Variants in MRPS2 observed in about 807,000 individuals in gnomAD.
MRPS2 encodes the protein mitochondrial ribosomal protein S2, also known as small ribosomal subunit protein uS2m.
MRPS2 carries 13 observed loss-of-function variants against 18.9 expected under a neutral mutation model. The observed-to-expected ratio is 0.69, with a 90% CI of 0.45 to 1.09. MRPS2 has a LOEUF of 1.09. Among genes scored for constraint, MRPS2 ranks in the 50% least tolerant of loss-of-function variants. MRPS2 has a pLI of 0.00. For synonymous variants in MRPS2, 186 were observed against 178.4 expected (o/e 1.04, Z -0.34); for missense variants, 389 against 421.7 (o/e 0.92, Z 0.68).
chr9:135,501,729 C>G (rs1564219329), intron 2 of MRPS2, 115 bp from the exon 3 acceptor site: 1 of 1,525,880 alleles, frequency 6.6e-7, no homozygotes, highest in East Asian at 2.3e-5. Flanking sequence ...GCTCCCGGCT[C>G]CCCACCTCGG....
chr9:135,501,817 C>T, intron 2 of MRPS2, 27 bp from the exon 3 acceptor site: 1 of 1,611,560 alleles, frequency 6.2e-7, no homozygotes, highest in African/African-American at 1.3e-5. Flanking sequence ...GTGGGAGACG[C>T]AGCGTCGCTC....
At chr9:135,501,787 G>A (rs1412256953) in intron 2 of MRPS2, 57 bp from the exon 3 acceptor site, 8 of 1,603,154 alleles carry the variant, frequency 5.0e-6, no homozygotes, top group Non-Finnish European at 6.8e-6. Context: ...ACTGCGCTCT[G>A]CCTGTCTCTG....
Position 135,504,017 on chromosome 9 carries a change from C to T in MRPS2, c.775C>T (p.Arg259Trp), listed in dbSNP as rs772476065. ...YCRLFQTAITRAKEKRQQVEA... is the reference protein window; with the variant it reads ...YCRLFQTAITWAKEKRQQVEA... ...CAGGCTCTTCCAGACGGCCATCACC[C>T]GGGCCAAGGAGAAGCGGCAGCAGGT... Residue 259 changes from arginine (R) to tryptophan (W), a missense_variant, in exon 4 of 4, where the codon CGG (arginine) becomes TGG (tryptophan). Coordinates refer to ENST00000241600, the MANE Select transcript of MRPS2 (RefSeq NM_016034.5). The surrounding 1 kb of genome is among the most constrained non-coding windows in gnomAD (Gnocchi z 4.3). 51 of 1,613,478 alleles carry T rather than the reference C, an allele frequency of 3.2e-5. No individual in the cohort carries two copies. The Admixed American group carries it at 5.7e-4, about 18-fold the overall frequency.
At chr9:135,501,617 G>A in intron 2 of MRPS2, 1 of 1,347,998 alleles carries the variant, frequency 7.4e-7, no homozygotes, top group South Asian at 1.6e-5. Flanking sequence ...GACCAGGTTC[G>A]ACCAGGCTTA....
At chr9:135,501,280 C>G (rs1831123056) in intron 2 of MRPS2, 157 bp downstream of exon 2, 9 of 1,430,670 alleles carry the variant, frequency 6.3e-6, no homozygotes, top group Middle Eastern at 2.6e-4. Flanking sequence ...CTCGGTCCTG[C>G]CTGACGTAGC....
chr9:135,500,464 C>G (rs1831084613), upstream of MRPS2: 3 of 454,228 alleles, frequency 6.6e-6, no homozygotes, highest in Non-Finnish European at 1.1e-5. Flanking sequence ...GTCCCATTAG[C>G]AGGGCGGGGC....
At chr9:135,503,258 A>T in intron 3 of MRPS2, 1 of 1,276,196 alleles carries the variant, frequency 7.8e-7, no homozygotes. Flanking sequence ...GTCATGTTGG[A>T]TGTCCACACA....
chr9:135,502,032 C>G, intron 3 of MRPS2, 59 bp downstream of exon 3: 2 of 1,609,254 alleles, frequency 1.2e-6, no homozygotes, highest in Non-Finnish European at 1.7e-6. Context: ...GGGACCTGCT[C>G]TGGTTCTAGG....
chr9:135,500,619 G>A, upstream of MRPS2: 1 of 1,330,992 alleles, frequency 7.5e-7, no homozygotes, highest in South Asian at 1.7e-5. Flanking sequence ...CGGGCCTGTA[G>A]GCGGCACTGC....
chr9:135,500,184 G>A, upstream of MRPS2: 1 of 365,126 alleles, frequency 2.7e-6, no homozygotes, highest in South Asian at 5.3e-5. Flanking sequence ...TTTAAGCACT[G>A]CAGGTCCACT....
Position 135,501,992 on chromosome 9 carries a change from T to C in MRPS2, c.299+19T>C. The C allele has an allele frequency of 6.2e-7, 1 of 1,612,988 alleles. No homozygotes were observed. The highest frequency in any genetic ancestry group is 1.3e-5 in the African/African-American group (1 of 75,058). ...GGCACAGGTAGGTGACACCCCCATC[T>C]GAGCCCGGGGCGGTTCCCAGGAGGA... On this transcript the variant is annotated intron_variant, in intron 3 of 3. Transcript: ENST00000241600.
In MRPS2 at chr9:135,504,063, A is replaced by G. The variant is rs1831228820; in HGVS notation, c.821A>G (p.Gln274Arg). Residue 274 changes from glutamine (Q) to arginine (R), a missense_variant, in exon 4 of 4, where the codon CAG becomes CGG. Transcript: ENST00000241600. The surrounding 1 kb of genome is among the most constrained non-coding windows in gnomAD (Gnocchi z 4.3). ...RQQVEALYRL[Q>R]GQKEPGDQGP... ...CAGGTTGAGGCTCTCTATCGCCTGC[A>G]GGGCCAGAAGGAGCCCGGGGACCAG... is the stretch of plus-strand genomic sequence containing the variant. 2 of 1,612,870 alleles carry G rather than the reference A, an allele frequency of 1.2e-6. No individual in the cohort carries two copies. The highest frequency in any genetic ancestry group is 1.1e-5 in the South Asian group (1 of 91,080).
At chr9:135,501,373 T>A in intron 2 of MRPS2, 5 of 1,340,740 alleles carry the variant, frequency 3.7e-6, no homozygotes, top group Non-Finnish European at 4.8e-6. Flanking sequence ...CTTCGCTCCC[T>A]AGGGGGGTGT....
At chr9:135,503,421 C>T (rs1218046031) in intron 3 of MRPS2, 121 bp from the exon 4 acceptor site, 24 of 1,383,110 alleles carry the variant, frequency 1.7e-5, no homozygotes, top group Non-Finnish European at 2.3e-5. Context: ...TGCTTCCCAG[C>T]CCATAGTGCC....
chr9:135,500,671 T>C (rs59940288), upstream of MRPS2: 5 of 1,419,752 alleles, frequency 3.5e-6, no homozygotes, highest in South Asian at 7.5e-5. Flanking sequence ...CCGCTCGGCC[T>C]GGCCTGGAGG....
chr9:135,502,368 G>C (rs1329869465), intron 3 of MRPS2: 3 of 243,594 alleles, frequency 1.2e-5, no homozygotes, highest in Non-Finnish European at 2.1e-5. Flanking sequence ...GGGGGGAGGG[G>C]ATGGGAGGGG....
chr9:135,500,586 T>G, upstream of MRPS2: 1 of 1,112,642 alleles, frequency 9.0e-7, no homozygotes, highest in Non-Finnish European at 1.2e-6. Flanking sequence ...CCCAGCCGCC[T>G]GGGGACAGCG....
At position 135,501,908 on chromosome 9, in the gene MRPS2, GTT is replaced by G; in HGVS notation, c.237_238del (p.Ser80ArgfsTer76). ...CTGACTTCTTCAATGTCAAGGAACT[GTT>G]TTCCGTGAGAAGCCTCTTCGATGCC... Reference protein sequence around the residue: ...HSDFFNVKELFSVRSLFDARV... With the variant: ...HSDFFNVKELXSVRSLFDARV... On this transcript the variant is annotated frameshift_variant, in exon 3 of 4. Coordinates refer to ENST00000241600, the MANE Select transcript of MRPS2 (RefSeq NM_016034.5). LOFTEE classifies it high-confidence loss of function. The G allele has an allele frequency of 3.7e-6, 6 of 1,613,870 alleles. No individual in the cohort carries two copies. Among genetic ancestry groups the G allele is most frequent in the Non-Finnish European group, 5.1e-6 (6 of 1,180,008 alleles).
At chr9:135,501,167 G>T in intron 2 of MRPS2, 44 bp downstream of exon 2, 1 of 1,535,376 alleles carries the variant, frequency 6.5e-7, no homozygotes, top group East Asian at 2.4e-5. Flanking sequence ...ACGAGGAGAG[G>T]CCGGCAGCCG....
Sources: allele counts gnomAD v4.1 joint callset, GRCh38; gene constraint gnomAD v4.1.1; non-coding constraint Gnocchi (gnomAD v3.1); transcripts MANE v1.5; gene names NCBI Gene and HGNC (gene_info 2026-07-23, HGNC 2026-07-21).